Variants in LGSN observed in about 807,000 individuals in gnomAD.
LGSN encodes lengsin.
A neutral mutation model predicts 19.5 loss-of-function variants in LGSN; 21 were observed. The observed-to-expected ratio is 1.07, with a 90% CI of 0.76 to 1.55. The LOEUF (loss-of-function observed/expected upper bound fraction) is 1.55, where lower values mean the gene tolerates loss of function less well. Ranked by LOEUF, LGSN falls within the 40% of genes most tolerant of loss-of-function variation. The probability of loss-of-function intolerance (pLI) is 0.00; values close to 1 mark genes in which losing one functional copy is unlikely to be tolerated. For missense variants in LGSN, 673 were observed against 608.5 expected, an observed-to-expected ratio of 1.11 and a Z score of -1.12; for synonymous variants, 257 against 215.6, an observed-to-expected ratio of 1.19 and a Z score of -1.68.
chr6:63,391,441 C>T, the LGSN span, among the ~76,000 whole-genome samples: 1 of 152,200 alleles, frequency 6.6e-6, no homozygotes, highest in Non-Finnish European at 1.5e-5. Flanking sequence ...CTGTAAACTT[C>T]TGTTGCTTTT....
Position 63,281,085 on chromosome 6 carries a change from A to G in LGSN, c.466T>C (p.Phe156Leu), listed in dbSNP as rs781014050. 1 of 1,613,960 alleles carries G rather than the reference A, an allele frequency of 6.2e-7. No homozygotes were observed. The highest frequency in any genetic ancestry group is 1.1e-5 in the South Asian group (1 of 91,064). Residue 156 changes from phenylalanine to leucine, a missense_variant, in exon 4 of 4, where the codon TTT (phenylalanine) becomes CTT (leucine). Transcript: ENST00000370657. ...DIVLMPELST[F>L]RVLPWADRTA... ...CTGTCAGCCCATGGCAAAACTCTAA[A>G]GGTTGATAACTCTGGCATTAGGACT...
the LGSN span, among the ~76,000 whole-genome samples, chr6:63,556,485 A>G: frequency 6.6e-6 from 1 of 152,162 alleles, no homozygotes; most frequent in Non-Finnish European, 1.5e-5. Flanking sequence ...TCTGCCTAAT[A>G]AAACAACTTA....
intron 1 of LGSN, among the ~76,000 whole-genome samples, chr6:63,299,830 G>C (rs1161316057): frequency 6.6e-6 from 1 of 152,070 alleles, no homozygotes; most frequent in Non-Finnish European, 1.5e-5. Flanking sequence ...ATATAATTCA[G>C]ACTTTTTTTT....
the LGSN span, among the ~76,000 whole-genome samples, chr6:63,497,548 G>A: frequency 1.4e-4 from 22 of 152,136 alleles, no homozygotes; most frequent in Non-Finnish European, 2.4e-4. Context: ...GCGAGACTCC[G>A]TCTCACATAA....
the LGSN span, chr6:63,443,520 T>G: frequency 1.6e-6 from 1 of 630,374 alleles, no homozygotes. Flanking sequence ...GAACACCATC[T>G]GTGACAATGT....
chr6:63,360,634 T>C, the LGSN span, among the ~76,000 whole-genome samples: 4 of 152,190 alleles, frequency 2.6e-5, no homozygotes, highest in African/African-American at 9.7e-5. Flanking sequence ...TTTGATAGTC[T>C]GAAGCCTTCT....
chr6:63,554,701 C>A, the LGSN span, among the ~76,000 whole-genome samples: 1 of 152,130 alleles, frequency 6.6e-6, no homozygotes, highest in Non-Finnish European at 1.5e-5. Context: ...GCACAAGAGT[C>A]CCTTGAACCA....
intron 1 of LGSN, among the ~76,000 whole-genome samples, chr6:63,313,507 G>A (rs762698206): frequency 2.3e-4 from 35 of 152,120 alleles, no homozygotes; most frequent in Admixed American, 1.2e-3. Flanking sequence ...AAAAGTTTAC[G>A]TTGCTTTTAG....
chr6:63,410,469 A>G, the LGSN span, among the ~76,000 whole-genome samples: 201 of 152,348 alleles, frequency 1.3e-3, no homozygotes, highest in African/African-American at 4.7e-3. Flanking sequence ...ATTTAGCAGC[A>G]GAAACTTTTT....
At chr6:63,453,820 A>G in the LGSN span, among the ~76,000 whole-genome samples, 1 of 151,570 alleles carries the variant, frequency 6.6e-6, no homozygotes, top group African/African-American at 2.4e-5. Context: ...CGCCCGGCTA[A>G]TTTTTTGTAT....
At chr6:63,352,682 GACACAC>G in the LGSN span, among the ~76,000 whole-genome samples, 3 of 144,986 alleles carry the variant, frequency 2.1e-5, no homozygotes, top group East Asian at 2.0e-4. Context: ...CACACACACA[GACACAC>G]ACACACACAC....
chr6:63,546,980 A>C, the LGSN span, among the ~76,000 whole-genome samples: 1 of 152,146 alleles, frequency 6.6e-6, no homozygotes, highest in African/African-American at 2.4e-5. Flanking sequence ...TTAAACCTTA[A>C]TAAAGTTGAT....
At chr6:63,480,940 G>GATATATAT in the LGSN span, among the ~76,000 whole-genome samples, 23 of 59,850 alleles carry the variant, frequency 3.8e-4, no homozygotes, top group South Asian at 1.2e-3. Context: ...TAAAGAAAAT[G>GATATATAT]ATATATATAT....
At chr6:63,430,480 G>A in the LGSN span, among the ~76,000 whole-genome samples, 16 of 152,068 alleles carry the variant, frequency 1.1e-4, no homozygotes, top group Middle Eastern at 6.8e-3. Flanking sequence ...CCTCCGTCTC[G>A]TAGGTTCAAG....
chr6:63,379,190 T>C, the LGSN span, among the ~76,000 whole-genome samples: 1 of 152,038 alleles, frequency 6.6e-6, no homozygotes, highest in Non-Finnish European at 1.5e-5. Flanking sequence ...CCCCCCTTTT[T>C]TTTAAAGCTC....
chr6:63,376,270 C>A, the LGSN span, among the ~76,000 whole-genome samples: 1 of 152,140 alleles, frequency 6.6e-6, no homozygotes, highest in Non-Finnish European at 1.5e-5. Flanking sequence ...TTATTAAGGG[C>A]AGAACACAGA....
the LGSN span, among the ~76,000 whole-genome samples, chr6:63,517,740 G>A: frequency 6.6e-6 from 1 of 152,106 alleles, no homozygotes; most frequent in African/African-American, 2.4e-5. Flanking sequence ...CACTGATGGA[G>A]AATTAAAAAT....
At chr6:63,296,756 T>C (rs187652445) in intron 1 of LGSN, among the ~76,000 whole-genome samples, 1 of 152,226 alleles carries the variant, frequency 6.6e-6, no homozygotes, top group African/African-American at 2.4e-5. Context: ...TTGTCAAGCA[T>C]GTTTTCTCAT....
intron 1 of LGSN, among the ~76,000 whole-genome samples, chr6:63,314,252 T>C (rs1177563419): frequency 6.6e-6 from 1 of 151,950 alleles, no homozygotes; most frequent in Non-Finnish European, 1.5e-5. Flanking sequence ...GGGAAAAAAA[T>C]ATAGAAGAGT....
Sources: gnomAD v4.1 joint callset for allele counts (sites outside exome capture counted in the v4.1 genomes callset) on GRCh38, gnomAD v4.1.1 for gene constraint, MANE v1.5 for transcripts, NCBI Gene and HGNC (gene_info 2026-07-23, HGNC 2026-07-21) for gene names.